Variants in SHC3 observed in about 807,000 individuals in gnomAD.
SHC3 encodes the protein SHC-transforming protein 3.
In SHC3, 15 loss-of-function variants were observed where a neutral mutation model predicts 60.4. The ratio of observed to expected loss-of-function variants is 0.25; its 90% confidence interval spans 0.17 to 0.38. The LOEUF is 0.38. Among genes scored for constraint, SHC3 ranks in the 10% least tolerant of loss-of-function variants. The pLI is 1.00. For synonymous variants in SHC3, 294 were observed against 325.9 expected (o/e 0.90, Z 1.05); for missense variants, 677 against 786.1 (o/e 0.86, Z 1.66).
At chr9:89,105,061 G>A (rs7872343) in intron 2 of SHC3, among the ~76,000 whole-genome samples, 1,545 of 152,200 alleles carry the variant, frequency 0.01, 28 homozygotes, top group African/African-American at 0.034. Flanking sequence ...CATCCCAGCC[G>A]ACTGCAAGTG....
intron 1 of SHC3, among the ~76,000 whole-genome samples, chr9:89,160,994 G>T (rs1368218149): frequency 6.6e-6 from 1 of 152,206 alleles, no homozygotes; most frequent in Non-Finnish European, 1.5e-5. Flanking sequence ...CTGTTGATCA[G>T]GCACATCCCC....
chr9:89,056,319 T>C (rs1824948113), intron 6 of SHC3, among the ~76,000 whole-genome samples: 1 of 152,228 alleles, frequency 6.6e-6, no homozygotes, highest in African/African-American at 2.4e-5. Context: ...CGATCTTGGC[T>C]CACTGCAACC....
intron 2 of SHC3, among the ~76,000 whole-genome samples, chr9:89,080,768 CT>C (rs11445164): frequency 0.014 from 1,777 of 127,160 alleles, 21 homozygotes; most frequent in African/African-American, 0.034. Flanking sequence ...TGTATGTATA[CT>C]TTTTTTTTTT....
rs1217417728 is a variant in SHC3, at chr9:89,178,484, C to A, written c.-24G>T. ...ATGCCCCTCCGTGGGCTCGCTGCAT[C>A]CGCCCGGGCGCTGCTGGTGCCGGCC... On this transcript the variant is annotated 5_prime_UTR_variant, in exon 1 of 12. Transcript: ENST00000375835. The surrounding 1 kb of genome is among the most constrained non-coding windows in gnomAD (Gnocchi z 6.9). The A allele has an allele frequency of 2.1e-6, 3 of 1,423,588 alleles. No homozygotes were observed. The African/African-American group carries it at 4.4e-5, about 21-fold the overall frequency. The allele number at this position is 1,423,588 out of a possible 1,614,324, so 88.2% of individuals were successfully genotyped here.
At chr9:89,133,728 A>G (rs1299015923) in intron 1 of SHC3, among the ~76,000 whole-genome samples, 1 of 151,972 alleles carries the variant, frequency 6.6e-6, no homozygotes, top group African/African-American at 2.4e-5. Flanking sequence ...ACTTGGACAC[A>G]GGGTAGGGAA....
intron 2 of SHC3, among the ~76,000 whole-genome samples, chr9:89,078,653 C>G (rs1051207884): frequency 6.6e-6 from 1 of 152,076 alleles, no homozygotes; most frequent in Non-Finnish European, 1.5e-5. Context: ...ACAGGATGGT[C>G]ACAGCTGAGG....
intron 1 of SHC3, among the ~76,000 whole-genome samples, chr9:89,170,204 G>T (rs958979962): frequency 2.6e-5 from 4 of 152,186 alleles, no homozygotes; most frequent in Non-Finnish European, 5.9e-5. Context: ...TACAGCACAG[G>T]GGCACATCCA....
intron 6 of SHC3, among the ~76,000 whole-genome samples, chr9:89,054,878 G>T (rs1050610097): frequency 2.6e-5 from 4 of 152,090 alleles, no homozygotes; most frequent in African/African-American, 2.4e-5. Context: ...GCTGACACTG[G>T]TTTCTCTCTT....
intron 6 of SHC3, among the ~76,000 whole-genome samples, chr9:89,058,885 G>C (rs1170017594): frequency 1.4e-5 from 2 of 143,200 alleles, no homozygotes; most frequent in Admixed American, 1.4e-4. Context: ...GGAAGACATG[G>C]TGGAGGACAG....
At chr9:89,171,234 A>AT (rs5899068) in intron 1 of SHC3, among the ~76,000 whole-genome samples, 26,865 of 150,302 alleles carry the variant, frequency 0.18, 2,565 homozygotes, top group Admixed American at 0.23. Context: ...CCATATTTTG[A>AT]TTTTTTTTTT....
intron 11 of SHC3, among the ~76,000 whole-genome samples, chr9:89,021,875 G>A (rs1322790619): frequency 6.6e-6 from 1 of 152,182 alleles, no homozygotes; most frequent in East Asian, 1.9e-4. Flanking sequence ...AATGGGAGGA[G>A]GTCGGCCCTG....
intron 1 of SHC3, among the ~76,000 whole-genome samples, chr9:89,174,548 C>T (rs1186121053): frequency 1.3e-5 from 2 of 152,238 alleles, no homozygotes; most frequent in African/African-American, 2.4e-5. Flanking sequence ...TAGCTCTGAG[C>T]AGTGGGCACC....
At chr9:89,150,609 T>C (rs1281764297) in intron 1 of SHC3, among the ~76,000 whole-genome samples, 3 of 152,242 alleles carry the variant, frequency 2.0e-5, no homozygotes, top group East Asian at 1.9e-4. Context: ...TATTCAGCAA[T>C]TGATGGGCAT....
chr9:89,147,597 C>A (rs369225883), intron 1 of SHC3, among the ~76,000 whole-genome samples: 1 of 152,116 alleles, frequency 6.6e-6, no homozygotes, highest in Non-Finnish European at 1.5e-5. Flanking sequence ...CCTCACTCCT[C>A]GAGTAAAAAC....
At chr9:89,177,884 G>C (rs1320722721) in intron 1 of SHC3, 103 bp downstream of exon 1, 1 of 1,129,948 alleles carries the variant, frequency 8.8e-7, no homozygotes, top group African/African-American at 1.6e-5. Flanking sequence ...TAACGTGACA[G>C]TCGCGGGAGC....
At chr9:89,065,132 C>A (rs1825156758) in intron 6 of SHC3, among the ~76,000 whole-genome samples, 1 of 152,154 alleles carries the variant, frequency 6.6e-6, no homozygotes, top group Non-Finnish European at 1.5e-5. Flanking sequence ...ACACTAACCT[C>A]TAGGGCTGGC....
At chr9:89,024,288 T>C (rs939669062) in intron 11 of SHC3, among the ~76,000 whole-genome samples, 1 of 152,190 alleles carries the variant, frequency 6.6e-6, no homozygotes, top group African/African-American at 2.4e-5. Flanking sequence ...TTTTTATTTA[T>C]TTATTTAGAA....
At chr9:89,152,540 T>C (rs902096968) in intron 1 of SHC3, among the ~76,000 whole-genome samples, 5 of 152,236 alleles carry the variant, frequency 3.3e-5, no homozygotes, top group Admixed American at 6.5e-5. Flanking sequence ...TCTAGATGCC[T>C]GTGTGCAATC....
chr9:89,039,638 G>A (rs141758263), intron 10 of SHC3, among the ~76,000 whole-genome samples: 10 of 150,872 alleles, frequency 6.6e-5, no homozygotes, highest in Admixed American at 1.3e-4. Context: ...CGTCGCCATC[G>A]TCATCACCAT....
Sources: allele counts gnomAD v4.1 joint callset (sites outside exome capture counted in the v4.1 genomes callset), GRCh38; gene constraint gnomAD v4.1.1; non-coding constraint Gnocchi (gnomAD v3.1); transcripts MANE v1.5; gene names NCBI Gene and HGNC (gene_info 2026-07-23, HGNC 2026-07-21).